RNF213: variants seen among roughly 807,000 people sequenced by gnomAD.
The protein encoded by RNF213 is ring finger protein 213, also known as E3 ubiquitin-protein ligase RNF213.
Under a neutral mutation model 514.4 loss-of-function variants are expected in RNF213, and 341 were observed. That is an observed-to-expected ratio of 0.66 (90% CI 0.61 to 0.73). The LOEUF is 0.73. Ranked by LOEUF, RNF213 falls within the 30% of genes least tolerant of loss-of-function variation. RNF213 has a pLI of 0.00. For missense variants in RNF213, 5,767 were observed against 6,615.6 expected, an observed-to-expected ratio of 0.87 and a Z score of 4.45; for synonymous variants, 2,655 against 2,658.2, an observed-to-expected ratio of 1.00 and a Z score of 0.04.
intron 15 of RNF213, among the ~76,000 whole-genome samples, chr17:80,313,934 A>G (rs1345899174): frequency 8.5e-3 from 6 of 706 alleles, no homozygotes; most frequent in East Asian, 0.033. Flanking sequence ...TGGTGGAGGT[A>G]ATGGAGGTGA....
At position 80,290,572 on chromosome 17, in the gene RNF213, C is replaced by T. The variant is rs758372103; in HGVS notation, c.1115C>T (p.Thr372Met). The T allele has an allele frequency of 8.1e-6, 13 of 1,613,704 alleles. No individual in the cohort carries two copies. Among genetic ancestry groups the T allele is most frequent in the East Asian group, 2.2e-5 (1 of 44,898 alleles). ...EADVQEVKAS[T>M]LSPGGGVTVF... ...TTTCTGTTTTGGTTTTCCACCAGCA[C>T]GCTGAGCCCGGGTGGAGGAGTCACC... The change falls in exon 7 of 68, where the codon ACG (threonine) becomes ATG (methionine). Residue 372 changes from threonine to methionine, a missense_variant and splice_region_variant. Coordinates refer to ENST00000582970, the MANE Select transcript of RNF213 (RefSeq NM_001256071.3).
intron 25 of RNF213, 83 bp from the exon 26 acceptor site, chr17:80,339,118 G>T (rs1034687679): frequency 1.6e-6 from 2 of 1,212,592 alleles, no homozygotes; most frequent in South Asian, 3.3e-5. Flanking sequence ...GTCTTTTGGC[G>T]GTAGGCCTGT....
intron 20 of RNF213, among the ~76,000 whole-genome samples, chr17:80,329,119 C>A (rs1438756609): frequency 6.6e-6 from 1 of 152,194 alleles, no homozygotes. Context: ...GTGGAGTCTC[C>A]CTCCACCTCC....
rs551459062 is a variant in RNF213, at chr17:80,350,231, CTT to C, written c.10089-68_10089-67del. 293 of 992,678 alleles carry C rather than the reference CTT, an allele frequency of 3.0e-4. 1 individual carries two copies. In the African/African-American group the frequency reaches 4.2e-3, roughly 14 times the overall value. The allele number at this position is 992,678 out of a possible 1,614,324, so 61.5% of individuals were successfully genotyped here. On this transcript the variant is annotated intron_variant, in intron 30 of 67. Coordinates refer to ENST00000582970, the MANE Select transcript of RNF213 (RefSeq NM_001256071.3). The stretch of plus-strand genomic sequence containing the variant: ...TTTGTAGCCTTTATGTTTCCCATCA[CTT>C]TGGGGAATTTTCTTTTCCATTTTTT...
intron 14 of RNF213, 56 bp downstream of exon 14, chr17:80,309,227 C>A: frequency 6.2e-7 from 1 of 1,604,736 alleles, no homozygotes; most frequent in Non-Finnish European, 8.5e-7. Flanking sequence ...GAATTTCAAG[C>A]AGCCTCAATT....
Position 80,393,634 on chromosome 17 carries a change from C to A in RNF213, c.*136C>A. Reference sequence around the variant, plus strand: ...GTCAGCGTAGCACCGAATTCAAGACCAAGGCGTGCTACCTGAGCTGACAGC... The same window carrying A: ...GTCAGCGTAGCACCGAATTCAAGACAAAGGCGTGCTACCTGAGCTGACAGC... On this transcript the variant is annotated 3_prime_UTR_variant, in exon 68 of 68. Transcript: ENST00000582970. 1 of 931,884 alleles carries A rather than the reference C, an allele frequency of 1.1e-6. No homozygotes were observed. Among genetic ancestry groups the A allele is most frequent in the Non-Finnish European group, 1.6e-6 (1 of 608,908 alleles). 57.7% of individuals were successfully genotyped at this position (931,884 alleles called of 1,614,324 possible). A position where few individuals can be genotyped will look rare whatever the true frequency, so the allele number is the denominator to read the frequency against.
intron 14 of RNF213, among the ~76,000 whole-genome samples, chr17:80,311,258 T>C (rs2045560496): frequency 6.6e-6 from 1 of 152,206 alleles, no homozygotes; most frequent in Admixed American, 6.5e-5. Flanking sequence ...ACGTGACGCA[T>C]GTTGAAGAAA....
intron 13 of RNF213, among the ~76,000 whole-genome samples, chr17:80,307,860 T>G (rs61222564): frequency 0.4 from 59,450 of 146,824 alleles, 12,955 homozygotes; most frequent in African/African-American, 0.62. Context: ...GTCTGTTTTT[T>G]TTTTTTTTTT....
chr17:80,327,778 G>A lies in RNF213; in HGVS notation c.3194-38G>A, dbSNP rs1268338135. On this transcript the variant is annotated intron_variant, in intron 18 of 67. Transcript: ENST00000582970. ...GTAACGGCAAAGAGGCAGGAGGTGG[G>A]GAGCCCACTGTGTTAACTGTGTTCT... The A allele has an allele frequency of 2.7e-6, 4 of 1,492,728 alleles. No homozygotes were observed. The South Asian group carries it at 3.8e-5, about 14-fold the overall frequency. The allele number at this position is 1,492,728 out of a possible 1,614,324, so 92.5% of individuals were successfully genotyped here.
At chr17:80,389,398 C>T in intron 65 of RNF213, 31 bp downstream of exon 65, 1 of 1,593,204 alleles carries the variant, frequency 6.3e-7, no homozygotes, top group Non-Finnish European at 8.6e-7. Context: ...GAAATCAGCA[C>T]AGCCCCTCAC....
At chr17:80,359,274 C>T (rs1375788101) in intron 37 of RNF213, among the ~76,000 whole-genome samples, 10 of 151,676 alleles carry the variant, frequency 6.6e-5, no homozygotes, top group Admixed American at 6.6e-4. Flanking sequence ...GCCTATAACC[C>T]CAGCAATTTA....
At chr17:80,325,296 A>C (rs1225487801) in intron 18 of RNF213, 98 bp downstream of exon 18, 4 of 1,224,304 alleles carry the variant, frequency 3.3e-6, no homozygotes, top group South Asian at 1.6e-5. Context: ...GATGATACTG[A>C]ATTGGGATGG....
Position 80,383,797 on chromosome 17 carries a change from C to G in RNF213, c.14191C>G (p.Arg4731Gly). The G allele has an allele frequency of 6.2e-7, 1 of 1,614,110 alleles. No homozygotes were observed. The highest frequency in any genetic ancestry group is 8.5e-7 in the Non-Finnish European group (1 of 1,180,030). ...AGTGACCTTCCTGCCCCACCTGCCC[C>G]GGAAAAGTGTGGTCCATTGCTCTAA... ...DPVTFLPHLP[R>G]KSVVHCSKIW... is the part of the protein sequence containing the mutation. The change falls in exon 59 of 68, where the codon CGG becomes GGG. Residue 4731 changes from arginine to glycine, a missense_variant. Arg to Gly is a moderately radical substitution (Grantham distance 125). Transcript: ENST00000582970.
chr17:80,340,206 A>G lies in RNF213; in HGVS notation c.5839A>G (p.Lys1947Glu), dbSNP rs1568094443. 1 of 1,614,008 alleles carries G rather than the reference A, an allele frequency of 6.2e-7. No homozygotes were observed. The highest frequency in any genetic ancestry group is 8.5e-7 in the Non-Finnish European group (1 of 1,179,980). The change falls in exon 26 of 68, where the codon AAG becomes GAG. Residue 1947 changes from lysine (K) to glutamate (E), a missense_variant. Around this residue, in one of 13 missense-constraint regions of RNF213, gnomAD observed 1,377 missense variants for 1,635.2 expected, o/e 0.84. Coordinates refer to ENST00000582970, the MANE Select transcript of RNF213 (RefSeq NM_001256071.3). ...CYLPSAFSQH[K>E]VFVTPQAPLE... ...CCTCCCCTCTGCCTTCAGCCAGCAC[A>G]AGGTCTTCGTCACCCCCCAGGCACC...
At chr17:80,298,762 C>T (rs1285009176) in intron 11 of RNF213, 18 of 430,806 alleles carry the variant, frequency 4.2e-5, no homozygotes, top group South Asian at 2.6e-4. Flanking sequence ...GTCAGGAGTT[C>T]GAGACCAGCC....
At chr17:80,349,982 C>G in intron 30 of RNF213, 76 bp downstream of exon 30, 1 of 1,544,692 alleles carries the variant, frequency 6.5e-7, no homozygotes, top group Non-Finnish European at 8.9e-7. Context: ...GCGATGGTAC[C>G]CGCGCCGGTT....
chr17:80,263,870 A>G lies in RNF213; in HGVS notation c.97+92A>G. 9.2e-7 allele frequency: 1 copy of G among 1,083,144 alleles called. No homozygotes were observed. The highest frequency in any genetic ancestry group is 1.4e-6 in the Non-Finnish European group (1 of 709,664). 67.1% of individuals were successfully genotyped at this position (1,083,144 alleles called of 1,614,324 possible). On this transcript the variant is annotated intron_variant, in intron 2 of 67. Coordinates refer to ENST00000582970, the MANE Select transcript of RNF213 (RefSeq NM_001256071.3). The surrounding 1 kb of genome is among the most constrained non-coding windows in gnomAD (Gnocchi z 4.9). ...CCAGGAAATGGAAACCCTGGGCAGC[A>G]GGCAGCTCAGGTGGGGCCGAGGTCC...
In RNF213 at chr17:80,343,719, T is replaced by A. The variant is rs1297773666; in HGVS notation, c.6184-138T>A. On this transcript the variant is annotated intron_variant, in intron 27 of 67. Coordinates refer to ENST00000582970, the MANE Select transcript of RNF213 (RefSeq NM_001256071.3). The surrounding 1 kb of genome is among the most constrained non-coding windows in gnomAD (Gnocchi z 4.3). ...TTTTATGGGGCTGCCCTTGGAGACA[T>A]GGGCCGTTGTTGGCTGAAATGTTGA... The A allele has an allele frequency of 2.2e-6, 2 of 890,814 alleles. No individual in the cohort carries two copies. The highest frequency in any genetic ancestry group is 3.5e-5 in the Admixed American group (2 of 57,066). The allele number at this position is 890,814 out of a possible 1,614,324, so 55.2% of individuals were successfully genotyped here.
intron 1 of RNF213, among the ~76,000 whole-genome samples, chr17:80,262,518 G>T (rs569535309): frequency 6.6e-6 from 1 of 152,248 alleles, no homozygotes; most frequent in African/African-American, 2.4e-5. Flanking sequence ...CACTCCTCTT[G>T]TGTGTCCCTG....
Sources: allele counts gnomAD v4.1 joint callset (sites outside exome capture counted in the v4.1 genomes callset), GRCh38; gene constraint gnomAD v4.1.1; regional missense constraint gnomAD v4.1.1; non-coding constraint Gnocchi (gnomAD v3.1); transcripts MANE v1.5; gene names NCBI Gene and HGNC (gene_info 2026-07-23, HGNC 2026-07-21).